The following EYS variants were observed in gnomAD, a reference collection of about 807,000 sequenced individuals.
The protein encoded by EYS is protein eyes shut homolog.
EYS carries 250 observed loss-of-function variants against 282.1 expected under a neutral mutation model. That is an observed-to-expected ratio of 0.89 (90% confidence interval 0.80 to 0.98). EYS has a LOEUF of 0.98. EYS is among the 50% of genes least tolerant of loss of function. The pLI, the probability that EYS is intolerant of heterozygous loss-of-function variation, is 0.00. For synonymous variants in EYS, 1,355 were observed against 1,282.9 expected, an observed-to-expected ratio of 1.06 and a Z score of -1.20; for missense variants, 4,016 against 3,709.0, an observed-to-expected ratio of 1.08 and a Z score of -2.15.
At chr6:64,661,378 T>C (rs1383374564) in intron 22 of EYS, among the ~76,000 whole-genome samples, 1 of 152,086 alleles carries the variant, frequency 6.6e-6, no homozygotes, top group Non-Finnish European at 1.5e-5. Context: ...AAAGCCAAAA[T>C]TGACAAATGG....
At chr6:64,935,104 A>G (rs1022427065) in intron 15 of EYS, among the ~76,000 whole-genome samples, 2 of 151,800 alleles carry the variant, frequency 1.3e-5, no homozygotes, top group Non-Finnish European at 3.0e-5. Context: ...TTAAGAGGTT[A>G]CTTATAATCT....
At chr6:63,784,071 A>C (rs976847669) in intron 39 of EYS, among the ~76,000 whole-genome samples, 8 of 152,144 alleles carry the variant, frequency 5.3e-5, no homozygotes, top group Non-Finnish European at 1.2e-4. Context: ...CTTGGACTGA[A>C]ACATTGGCTT....
intron 22 of EYS, among the ~76,000 whole-genome samples, chr6:64,653,596 T>G (rs7743829): frequency 0.95 from 144,780 of 152,112 alleles, 69,300 homozygotes; most frequent in East Asian, 1. Context: ...TTGAGACAGG[T>G]TCTTGTTCCC....
In EYS at chr6:64,568,142, T is replaced by A. The variant is rs139479569; in HGVS notation, c.5644+22081A>T. 2.9e-3 allele frequency among the ~76,000 whole-genome samples: 442 copies of A among 152,288 alleles called. 1 individual carries two copies. Among genetic ancestry groups the A allele is most frequent in the African/African-American group, 0.01 (416 of 41,558 alleles). ...TCTGCAGAGGATTAGCCTTAAGTCT[T>A]CAACTGAACACTGATCATAATAATT... On this transcript the variant is annotated intron_variant, in intron 26 of 42. Coordinates refer to ENST00000503581, the MANE Select transcript of EYS (RefSeq NM_001142800.2).
intron 26 of EYS, among the ~76,000 whole-genome samples, chr6:64,463,995 T>A (rs9351266): frequency 6.6e-6 from 1 of 151,978 alleles, no homozygotes; most frequent in Non-Finnish European, 1.5e-5. Flanking sequence ...AACAAAAAGA[T>A]AAAATTACAG....
rs1766397930 is a variant in EYS at position 64,591,203 on chromosome 6, G to A, written c.4664C>T (p.Thr1555Ile). The A allele has an allele frequency of 6.4e-7, 1 of 1,551,376 alleles. No homozygotes were observed. Among genetic ancestry groups the A allele is most frequent in the Non-Finnish European group, 8.7e-7 (1 of 1,146,804 alleles). Residue 1555 changes from threonine (T) to isoleucine (I), a missense_variant, in exon 26 of 43, where the codon ACA (threonine) becomes ATA (isoleucine). Thr to Ile is a moderately conservative substitution (Grantham distance 89). Transcript: ENST00000503581. ...AADSLRELSQ[T>I]CATCSMTEIK... ...TTCAGTCATAGAACATGTTGCACAT[G>A]TTTGGCTTAATTCTCTTAAAGAATC...
chr6:64,968,278 G>A (rs1287476630), intron 14 of EYS, among the ~76,000 whole-genome samples: 1 of 151,936 alleles, frequency 6.6e-6, no homozygotes, highest in Non-Finnish European at 1.5e-5. Flanking sequence ...TTTATGGGAA[G>A]TTTAAAATTA....
At chr6:65,660,547 A>C (rs1400722894) in intron 1 of EYS, among the ~76,000 whole-genome samples, 2 of 151,810 alleles carry the variant, frequency 1.3e-5, no homozygotes, top group Non-Finnish European at 2.9e-5. Flanking sequence ...ACAGATATCC[A>C]TATGTACTGT....
chr6:64,698,138 T>A (rs1428594585), intron 22 of EYS, among the ~76,000 whole-genome samples: 1 of 151,904 alleles, frequency 6.6e-6, no homozygotes, highest in Non-Finnish European at 1.5e-5. Context: ...TTTGAAACAA[T>A]TGAAAATGGA....
chr6:65,215,245 G>C (rs181773233), intron 12 of EYS, among the ~76,000 whole-genome samples: 2 of 152,262 alleles, frequency 1.3e-5, no homozygotes, highest in Non-Finnish European at 2.9e-5. Context: ...ATGCCATTAA[G>C]AATGTGTGGT....
chr6:64,148,901 T>C (rs972130615), intron 31 of EYS, among the ~76,000 whole-genome samples: 1 of 152,140 alleles, frequency 6.6e-6, no homozygotes, highest in African/African-American at 2.4e-5. Flanking sequence ...CTTTATTTCA[T>C]TTGATGAAAA....
At chr6:65,430,075 G>A (rs1483069085) in intron 5 of EYS, among the ~76,000 whole-genome samples, 1 of 152,112 alleles carries the variant, frequency 6.6e-6, no homozygotes, top group Non-Finnish European at 1.5e-5. Flanking sequence ...ATAAACTCTT[G>A]TGTCTGAACC....
rs571377436 is a variant in EYS, at chr6:65,348,206, A to G, written c.1460-4029T>C. Among the ~76,000 whole-genome samples, 23 of 151,896 alleles carry G rather than the reference A, an allele frequency of 1.5e-4. No homozygotes were observed. In the South Asian group the frequency reaches 4.6e-3, roughly 30 times the overall value. ...CTGAAGTAAACATGGAAGTGCAGAT[A>G]TCTCTTCAATATACTTATCCCCTTT... On this transcript the variant is annotated intron_variant, in intron 9 of 42. Coordinates refer to ENST00000503581, the MANE Select transcript of EYS (RefSeq NM_001142800.2).
intron 31 of EYS, among the ~76,000 whole-genome samples, chr6:64,083,914 T>G (rs768351883): frequency 6.6e-6 from 1 of 152,132 alleles, no homozygotes; most frequent in Non-Finnish European, 1.5e-5. Context: ...ACTTTTGTAT[T>G]TTTAGTAGAG....
chr6:64,973,136 T>C (rs187552580), intron 14 of EYS, among the ~76,000 whole-genome samples: 142 of 152,194 alleles, frequency 9.3e-4, no homozygotes, highest in Non-Finnish European at 1.6e-3. Flanking sequence ...CTGTTATTTT[T>C]ATAGGAGCAT....
chr6:65,658,558 A>C (rs996087735), intron 1 of EYS, among the ~76,000 whole-genome samples: 6 of 151,734 alleles, frequency 4.0e-5, no homozygotes, highest in Non-Finnish European at 8.9e-5. Flanking sequence ...AATAATGATA[A>C]CTATGACTAA....
chr6:65,117,208 C>G (rs921506746), intron 12 of EYS, among the ~76,000 whole-genome samples: 1 of 152,134 alleles, frequency 6.6e-6, no homozygotes, highest in Admixed American at 6.5e-5. Context: ...ACCAAATGAA[C>G]GAACCAAATG....
intron 40 of EYS, among the ~76,000 whole-genome samples, chr6:63,765,804 G>A (rs553553095): frequency 3.3e-5 from 5 of 151,852 alleles, no homozygotes; most frequent in South Asian, 4.2e-4. Flanking sequence ...ACCTACCACC[G>A]TTCTCAGCCT....
intron 22 of EYS, among the ~76,000 whole-genome samples, chr6:64,762,452 A>T (rs1256971698): frequency 6.6e-6 from 1 of 152,200 alleles, no homozygotes; most frequent in Non-Finnish European, 1.5e-5. Flanking sequence ...GTTGCTTGTT[A>T]TGTTTCTCTG....
Sources: gnomAD v4.1 joint callset for allele counts (sites outside exome capture counted in the v4.1 genomes callset) on GRCh38, gnomAD v4.1.1 for gene constraint, MANE v1.5 for transcripts, NCBI Gene and HGNC (gene_info 2026-07-23, HGNC 2026-07-21) for gene names.